The following TTLL2 variants were observed in gnomAD, a reference collection of about 807,000 sequenced individuals.
The protein encoded by TTLL2 is tubulin tyrosine ligase like 2, also known as probable tubulin polyglutamylase TTLL2.
Under a neutral mutation model 7.5 loss-of-function variants are expected in TTLL2, and 10 were observed. That is an observed-to-expected ratio of 1.33 (90% CI 0.82 to 2.25). The LOEUF (loss-of-function observed/expected upper bound fraction) is 2.25. Ranked by LOEUF, TTLL2 falls within the 30% of genes most tolerant of loss-of-function variation. The pLI is 0.00. For missense variants in TTLL2, 733 were observed against 735.7 expected (o/e 1.00, Z 0.04); for synonymous variants, 284 against 280.3 (o/e 1.01, Z -0.13).
intron 1 of TTLL2, among the ~76,000 whole-genome samples, chr6:167,337,609 A>G (rs1436596256): frequency 6.6e-6 from 1 of 152,186 alleles, no homozygotes; most frequent in African/African-American, 2.4e-5. Flanking sequence ...CGGTGTCCCC[A>G]CATTGGTTTG....
intron 2 of TTLL2, 135 bp from the exon 3 acceptor site, chr6:167,339,970 G>A: frequency 1.1e-6 from 1 of 873,810 alleles, no homozygotes. Flanking sequence ...AGACGTGGGT[G>A]TCCGGTGAGA....
intron 1 of TTLL2, among the ~76,000 whole-genome samples, chr6:167,327,143 A>G (rs1045768449): frequency 1.3e-5 from 2 of 152,222 alleles, no homozygotes; most frequent in Admixed American, 6.5e-5. Context: ...GGGCGGGTAG[A>G]GGAACAGTCG....
intron 1 of TTLL2, chr6:167,327,890 G>C (rs188834104): frequency 4.9e-6 from 2 of 411,120 alleles, no homozygotes; most frequent in East Asian, 1.4e-4. Flanking sequence ...TTCATTGGCG[G>C]ATGTTTTCTT....
chr6:167,338,332 AAC>A (rs1337420388), intron 1 of TTLL2, among the ~76,000 whole-genome samples: 1 of 151,236 alleles, frequency 6.6e-6, no homozygotes, highest in Non-Finnish European at 1.5e-5. Flanking sequence ...TGCCATATGC[AAC>A]ACACAATACA....
At chr6:167,325,531 G>A (rs942828798) in intron 1 of TTLL2, among the ~76,000 whole-genome samples, 3 of 152,202 alleles carry the variant, frequency 2.0e-5, no homozygotes, top group African/African-American at 7.2e-5. Context: ...AGTTACCAAA[G>A]GAGGGGAGTG....
chr6:167,329,079 G>A (rs1778885243), intron 1 of TTLL2, among the ~76,000 whole-genome samples: 1 of 151,990 alleles, frequency 6.6e-6, no homozygotes, highest in South Asian at 2.1e-4. Context: ...TTCAGTGTCC[G>A]CAGTTCAAAG....
At position 167,341,498 on chromosome 6, in the gene TTLL2, G is replaced by T; in HGVS notation, c.1598G>T (p.Cys533Phe). 6.2e-7 allele frequency: 1 copy of T among 1,614,154 alleles called. No homozygotes were observed. The highest frequency in any genetic ancestry group is 8.5e-7 in the Non-Finnish European group (1 of 1,180,042). Residue 533 changes from cysteine (C) to phenylalanine (F), a missense_variant, in exon 3 of 3, where the codon TGC becomes TTC. Transcript: ENST00000239587. ...PYASLFQSHS[C>F]KTKTSPCVLS... ...GCGTCCCTCTTCCAGTCGCACTCCT[G>T]CAAGACCAAGACCTCCCCGTGTGTC... is the stretch of plus-strand genomic sequence containing the variant.
chr6:167,341,616 T>C lies in TTLL2; in HGVS notation c.1716T>C (p.Asn572=). 6.2e-7 allele frequency: 1 copy of C among 1,614,152 alleles called. No homozygotes were observed. The highest frequency in any genetic ancestry group is 8.5e-7 in the Non-Finnish European group (1 of 1,180,032). ...FNEATLGASR[N]GLNVKRIIQE... is the part of the protein sequence containing the mutation. ...AAGCAACTCTCGGAGCTTCCAGGAA[T>C]GGATTAAATGTCAAAAGAATAATCC... The change falls in exon 3 of 3, where the codon AAT becomes AAC. Residue 572 remains asparagine (N), a synonymous_variant. Transcript: ENST00000239587.
chr6:167,335,804 T>C (rs1474818563), intron 1 of TTLL2, among the ~76,000 whole-genome samples: 1 of 128,140 alleles, frequency 7.8e-6, no homozygotes, highest in African/African-American at 3.0e-5. Context: ...GGGAATATCA[T>C]ACTCTGGGGA....
Position 167,341,107 on chromosome 6 carries a change from G to T in TTLL2, c.1207G>T (p.Val403Leu). The T allele has an allele frequency of 6.2e-7, 1 of 1,613,970 alleles. No individual in the cohort carries two copies. The highest frequency in any genetic ancestry group is 1.3e-5 in the African/African-American group (1 of 74,938). Reference protein sequence around the residue: ...LTLDCSTDVLVKRKLVHDIID... With the variant: ...LTLDCSTDVLLKRKLVHDIID... ...CTTGGATTGTTCAACAGATGTGTTG[G>T]TGAAGAGAAAACTTGTCCATGATAT... The change falls in exon 3 of 3, where the codon GTG becomes TTG. Residue 403 changes from valine to leucine, a missense_variant. Transcript: ENST00000239587.
chr6:167,338,892 C>G (rs1164001057), intron 2 of TTLL2, 89 bp downstream of exon 2: 100 of 1,275,626 alleles, frequency 7.8e-5, no homozygotes, highest in Non-Finnish European at 9.9e-5. Flanking sequence ...TTTCCCCTCC[C>G]TCCCCTCTTC....
Position 167,341,238 on chromosome 6 carries a change from G to C in TTLL2, c.1338G>C (p.Gly446=). 2 of 1,613,668 alleles carry C rather than the reference G, an allele frequency of 1.2e-6. No homozygotes were observed. The highest frequency in any genetic ancestry group is 1.7e-6 in the Non-Finnish European group (2 of 1,180,012). Residue 446 remains glycine (G), a synonymous_variant, in exon 3 of 3, where the codon GGG becomes GGC. Transcript: ENST00000239587. ...NIDAAKSDRG[G]LDAPDCLPYD... is the part of the protein sequence containing the mutation. Reference sequence around the variant, plus strand: ...ACGCTGCAAAAAGTGACAGAGGTGGGCTTGATGCTCCTGACTGTCTTCCTT... The same window carrying C: ...ACGCTGCAAAAAGTGACAGAGGTGGCCTTGATGCTCCTGACTGTCTTCCTT...
intron 1 of TTLL2, chr6:167,328,186 A>T: frequency 2.2e-6 from 1 of 453,458 alleles, no homozygotes; most frequent in South Asian, 1.6e-5. Flanking sequence ...GGAAGAAAGC[A>T]CCAAAACTAG....
intron 1 of TTLL2, among the ~76,000 whole-genome samples, 169 bp downstream of exon 1, chr6:167,325,389 G>A (rs1649216413): frequency 6.6e-6 from 1 of 152,200 alleles, no homozygotes; most frequent in African/African-American, 2.4e-5. Flanking sequence ...TCCTTCAAGG[G>A]AAAAGCAGTC....
intron 2 of TTLL2, 21 bp downstream of exon 2, chr6:167,338,824 G>GTTCCTTCCTTCCTTCC (rs370141340): frequency 0.027 from 29,059 of 1,060,356 alleles, 1,312 homozygotes; most frequent in African/African-American, 0.097. Context: ...AAGCCAGGTA[G>GTTCCTTCCTTCCTTCC]TTCCTTCCTT....
intron 2 of TTLL2, among the ~76,000 whole-genome samples, chr6:167,339,750 T>A (rs577753122): frequency 2.6e-5 from 4 of 152,210 alleles, no homozygotes; most frequent in Non-Finnish European, 5.9e-5. Flanking sequence ...TTCTTAATCA[T>A]GCTCACTTTT....
rs761263147 is a variant in TTLL2, at chr6:167,340,125, G to A, written c.225G>A (p.Ala75=). 26 of 1,582,266 alleles carry A rather than the reference G, an allele frequency of 1.6e-5. No homozygotes were observed. Among genetic ancestry groups the A allele is most frequent in the South Asian group, 5.9e-5 (5 of 84,992 alleles). ...LEKKKKPHLM[A]EDEPSGALLK... ...TTTAGAAAAAACCTCATTTGATGGC[G>A]GAAGATGAACCTTCAGGGGCCCTCT... Residue 75 remains alanine (A), a synonymous_variant, in exon 3 of 3, where the codon GCG becomes GCA. Transcript: ENST00000239587.
At chr6:167,328,282 G>C (rs1422927749) in intron 1 of TTLL2, 5 of 352,724 alleles carry the variant, frequency 1.4e-5, no homozygotes, top group African/African-American at 8.5e-5. Flanking sequence ...GGGCAAATCA[G>C]TGGGCCCTCA....
In TTLL2 at chr6:167,340,111, C is replaced by A. The variant is rs1562373278; in HGVS notation, c.211C>A (p.Pro71Thr). 2.6e-6 allele frequency: 4 copies of A among 1,567,176 alleles called. No homozygotes were observed. Among genetic ancestry groups the A allele is most frequent in the Admixed American group, 1.9e-5 (1 of 53,302 alleles). The change falls in exon 3 of 3, where the codon CCT becomes ACT. Residue 71 changes from proline to threonine, a missense_variant. Coordinates refer to ENST00000239587, the MANE Select transcript of TTLL2 (RefSeq NM_031949.5). ...PTPTLEKKKK[P>T]HLMAEDEPSG... ...CTCAATGATCCATTTTTAGAAAAAA[C>A]CTCATTTGATGGCGGAAGATGAACC... is the stretch of plus-strand genomic sequence containing the variant.
Sources: allele counts gnomAD v4.1 joint callset (sites outside exome capture counted in the v4.1 genomes callset), GRCh38; gene constraint gnomAD v4.1.1; transcripts MANE v1.5; gene names NCBI Gene and HGNC (gene_info 2026-07-23, HGNC 2026-07-21).